Variants in LRP1B observed in about 807,000 individuals in gnomAD.
LRP1B encodes the protein low-density lipoprotein receptor-related protein 1B.
A neutral mutation model predicts 556.6 loss-of-function variants in LRP1B; 217 were observed. The ratio of observed to expected loss-of-function variants is 0.39; its 90% confidence interval spans 0.35 to 0.44. LRP1B has a LOEUF of 0.44. Among genes scored for constraint, LRP1B ranks in the 20% least tolerant of loss-of-function variants. LRP1B has a pLI of 1.00. For synonymous variants in LRP1B, 2,047 were observed against 1,865.8 expected, an observed-to-expected ratio of 1.10 and a Z score of -2.50; for missense variants, 5,053 against 5,620.8, an observed-to-expected ratio of 0.90 and a Z score of 3.23.
At chr2:141,188,371 C>T in intron 7 of LRP1B, 50 bp downstream of exon 7, 2 of 1,554,732 alleles carry the variant, frequency 1.3e-6, no homozygotes, top group East Asian at 2.3e-5. Flanking sequence ...TCAATCTTTT[C>T]TTTTTAAACG....
intron 2 of LRP1B, among the ~76,000 whole-genome samples, chr2:141,617,858 A>G (rs956430776): frequency 1.3e-5 from 2 of 152,134 alleles, no homozygotes; most frequent in African/African-American, 4.8e-5. Context: ...TAACTTTAAT[A>G]GTCATCAGTA....
At chr2:142,122,379 G>A (rs1209506055) in intron 1 of LRP1B, among the ~76,000 whole-genome samples, 1 of 152,118 alleles carries the variant, frequency 6.6e-6, no homozygotes, top group East Asian at 1.9e-4. Flanking sequence ...AACGGACAAA[G>A]AAGAAGGTTT....
chr2:140,770,771 A>G, intron 34 of LRP1B, 110 bp downstream of exon 34: 1 of 751,490 alleles, frequency 1.3e-6, no homozygotes, highest in Non-Finnish European at 2.0e-6. Context: ...CCTAATAACT[A>G]GTTAATTTTT....
chr2:140,875,761 G>A (rs1253853176), intron 25 of LRP1B, among the ~76,000 whole-genome samples: 1 of 152,144 alleles, frequency 6.6e-6, no homozygotes, highest in East Asian at 1.9e-4. Flanking sequence ...TGTCAATTGT[G>A]AAATGGTGTT....
At chr2:142,099,884 T>C (rs1369968032) in intron 1 of LRP1B, among the ~76,000 whole-genome samples, 1 of 151,950 alleles carries the variant, frequency 6.6e-6, no homozygotes, top group African/African-American at 2.4e-5. Context: ...CATCAATGAT[T>C]GGAAAGTTTC....
At position 140,536,716 on chromosome 2, in the gene LRP1B, GA is replaced by G. The variant is rs748331070; in HGVS notation, c.7514-8del. 0.13 allele frequency: 133,138 copies of G among 1,017,072 alleles called. 8 individuals are homozygous for G. Among genetic ancestry groups the G allele is most frequent in the South Asian group, 0.19 (10,354 of 54,858 alleles). 63.0% of individuals were successfully genotyped at this position (1,017,072 alleles called of 1,614,324 possible). On this transcript the variant is annotated splice_region_variant and splice_polypyrimidine_tract_variant and intron_variant, in intron 45 of 90. Coordinates refer to ENST00000389484, the MANE Select transcript of LRP1B (RefSeq NM_018557.3). ...TTGCAGGAGGAATTTTTAGCTGCAA[GA>G]AAAAAAAAAAAAGTCAATACTTTTG...
chr2:141,711,308 C>T (rs899380349), intron 2 of LRP1B, among the ~76,000 whole-genome samples: 8 of 152,108 alleles, frequency 5.3e-5, no homozygotes, highest in Non-Finnish European at 8.8e-5. Context: ...TATTGGAATT[C>T]GAACCAGGAG....
intron 3 of LRP1B, among the ~76,000 whole-genome samples, chr2:141,400,980 T>C (rs1690431302): frequency 6.6e-6 from 1 of 152,226 alleles, no homozygotes; most frequent in African/African-American, 2.4e-5. Flanking sequence ...CTTAACTTTC[T>C]TTTATTTCTG....
intron 6 of LRP1B, among the ~76,000 whole-genome samples, chr2:141,211,604 G>GA (rs1468883365): frequency 1.3e-5 from 2 of 152,050 alleles, no homozygotes; most frequent in African/African-American, 4.8e-5. Flanking sequence ...GAGACAGAGC[G>GA]AGACTCCATC....
chr2:140,327,033 G>T (rs574332921), intron 79 of LRP1B, among the ~76,000 whole-genome samples: 1 of 152,176 alleles, frequency 6.6e-6, no homozygotes, highest in East Asian at 1.9e-4. Flanking sequence ...CTTCACTGCT[G>T]TAGATTAACT....
At chr2:140,669,276 C>G (rs1167985417) in intron 41 of LRP1B, among the ~76,000 whole-genome samples, 1 of 151,880 alleles carries the variant, frequency 6.6e-6, no homozygotes, top group East Asian at 1.9e-4. Flanking sequence ...TTTTACAAAC[C>G]AAAAAGTGTT....
At chr2:140,964,517 A>G (rs13013422) in intron 18 of LRP1B, among the ~76,000 whole-genome samples, 55,716 of 150,782 alleles carry the variant, frequency 0.37, 10,636 homozygotes, top group East Asian at 0.51. Context: ...CCAGACGCTG[A>G]TGTCACCGCT....
At chr2:141,518,055 G>C (rs6752726) in intron 2 of LRP1B, among the ~76,000 whole-genome samples, 43,001 of 151,872 alleles carry the variant, frequency 0.28, 6,518 homozygotes, top group South Asian at 0.49. Context: ...CAAAACTGTG[G>C]GAAAGGTAGA....
At chr2:141,049,259 C>G (rs540788643) in intron 10 of LRP1B, 37 bp from the exon 11 acceptor site, 1 of 1,323,498 alleles carries the variant, frequency 7.6e-7, no homozygotes, top group African/African-American at 1.4e-5. Flanking sequence ...ACAACTGATG[C>G]TGCTTAATCT....
chr2:141,166,351 C>T (rs933465763), intron 7 of LRP1B, among the ~76,000 whole-genome samples: 27 of 148,332 alleles, frequency 1.8e-4, no homozygotes, highest in African/African-American at 5.9e-4. Flanking sequence ...TTCTGACTAA[C>T]ATCTTCTCTC....
intron 21 of LRP1B, among the ~76,000 whole-genome samples, chr2:140,918,186 T>TTGTGTGTGTGTG: frequency 6.8e-6 from 1 of 147,820 alleles, no homozygotes; most frequent in East Asian, 2.0e-4. Flanking sequence ...GATTTCTATT[T>TTGTGTGTGTGTG]TGTGTGTGTG....
chr2:141,644,433 T>A (rs1689472603), intron 2 of LRP1B, among the ~76,000 whole-genome samples: 2 of 152,058 alleles, frequency 1.3e-5, no homozygotes, highest in African/African-American at 4.8e-5. Context: ...AAACTGTAAG[T>A]CCATCAAACC....
At chr2:141,541,711 T>A (rs1157104179) in intron 2 of LRP1B, among the ~76,000 whole-genome samples, 1 of 152,046 alleles carries the variant, frequency 6.6e-6, no homozygotes, top group Non-Finnish European at 1.5e-5. Context: ...GGAGTACGTC[T>A]CTGGCTAAAA....
At chr2:140,762,617 A>AT (rs147840019) in intron 35 of LRP1B, among the ~76,000 whole-genome samples, 6,058 of 152,102 alleles carry the variant, frequency 0.04, 409 homozygotes, top group African/African-American at 0.14. Flanking sequence ...CCAATTAGTT[A>AT]TTTTTTTCAC....
Sources: gnomAD v4.1 joint callset for allele counts (sites outside exome capture counted in the v4.1 genomes callset) on GRCh38, gnomAD v4.1.1 for gene constraint, MANE v1.5 for transcripts, NCBI Gene and HGNC (gene_info 2026-07-23, HGNC 2026-07-21) for gene names.